Variants in CENPB observed in about 807,000 individuals in gnomAD.
CENPB encodes the protein centromere protein B.
Under a neutral mutation model 41.9 loss-of-function variants are expected in CENPB, and 19 were observed. The observed-to-expected ratio is 0.45, with a 90% CI of 0.32 to 0.67. The LOEUF (loss-of-function observed/expected upper bound fraction) is 0.67, where lower values mean the gene tolerates loss of function less well. CENPB is among the 30% of genes least tolerant of loss of function. The pLI is 0.04. For missense variants in CENPB, 614 were observed against 816.2 expected (o/e 0.75, Z 3.02); for synonymous variants, 399 against 354.4 (o/e 1.13, Z -1.41).
Position 3,785,401 on chromosome 20 carries a change from G to A in CENPB, c.1083C>T (p.Leu361=). Residue 361 remains leucine, a synonymous_variant, in exon 1 of 1, where the codon CTC becomes CTT. Transcript: ENST00000379751. ...CAGCCACAAAGTGCAGGGCCTCCGT[G>A]AGACCCAGCTGCAGGCCTGAGGGAT... ...GQDPSGLQLG[L]TEALHFVAAA... 1 of 1,600,470 alleles carries A rather than the reference G, an allele frequency of 6.2e-7. No homozygotes were observed. Among genetic ancestry groups the A allele is most frequent in the Non-Finnish European group, 8.5e-7 (1 of 1,174,206 alleles).
chr20:3,786,545 G>GCCGCC lies in CENPB; in HGVS notation c.-63_-62insGGCGG. On this transcript the variant is annotated 5_prime_UTR_variant, in exon 1 of 1. Coordinates refer to ENST00000379751, the MANE Select transcript of CENPB (RefSeq NM_001810.6). ...GCCGCCGCCCCGGGGCGGGGGGCCC[G>GCCGCC]GGCCCGTGGCGGGGGGCACCTGGCG... 3 of 507,216 alleles carry GCCGCC rather than the reference G, an allele frequency of 5.9e-6. No individual in the cohort carries two copies. The highest frequency in any genetic ancestry group is 7.5e-6 in the Non-Finnish European group (3 of 397,720). The allele number at this position is 507,216 out of a possible 1,614,324, so 31.4% of individuals were successfully genotyped here. A position where few individuals can be genotyped will look rare whatever the true frequency, so the allele number is the denominator to read the frequency against.
Position 3,785,206 on chromosome 20 carries a change from CTCCTCTTCCTCT to C in CENPB, c.1266_1277del (p.Glu425_Glu428del), listed in dbSNP as rs1568494693. ...CCTCCTCCTCCTCCTCCCCTTCCTC[CTCCTCTTCCTCT>C]CCTTCACCCTCTTCCTCCTCCTCTT... On this transcript the variant is annotated inframe_deletion, in exon 1 of 1. Coordinates refer to ENST00000379751, the MANE Select transcript of CENPB (RefSeq NM_001810.6). 2 of 1,425,542 alleles carry C rather than the reference CTCCTCTTCCTCT, an allele frequency of 1.4e-6. No individual in the cohort carries two copies. Among genetic ancestry groups the C allele is most frequent in the Non-Finnish European group, 1.9e-6 (2 of 1,070,736 alleles). 88.3% of individuals were successfully genotyped at this position (1,425,542 alleles called of 1,614,324 possible).
At position 3,785,414 on chromosome 20, in the gene CENPB, A is replaced by T; in HGVS notation, c.1070T>A (p.Leu357Gln). Residue 357 changes from leucine (L) to glutamine (Q), a missense_variant, in exon 1 of 1, where the codon CTG becomes CAG. Physicochemically the swap from Leu to Gln is moderately radical, Grantham distance 113 (BLOSUM62 -2). Transcript: ENST00000379751. The stretch of plus-strand genomic sequence containing the variant: ...CAGGGCCTCCGTGAGACCCAGCTGC[A>T]GGCCTGAGGGATCCTGGCCCTCTAG... Reference protein sequence around the residue: ...AALEGQDPSGLQLGLTEALHF... With the variant: ...AALEGQDPSGQQLGLTEALHF... The T allele has an allele frequency of 6.3e-7, 1 of 1,597,092 alleles. No homozygotes were observed. Among genetic ancestry groups the T allele is most frequent in the Non-Finnish European group, 8.5e-7 (1 of 1,172,258 alleles).
Position 3,786,075 on chromosome 20 carries a change from C to T in CENPB, c.409G>A (p.Gly137Ser), listed in dbSNP as rs755273196. 11 of 1,574,012 alleles carry T rather than the reference C, an allele frequency of 7.0e-6. No homozygotes were observed. In the South Asian group the frequency reaches 1.2e-4, roughly 18 times the overall value. ...TTTCGCGCGCGGGCGCGGGCCACGC[C>T]GCTGCAGGACACCACGCCGTGGCGC... ...RRRHGVVSCS[G>S]VARARARNAA... Residue 137 changes from glycine (G) to serine (S), a missense_variant, in exon 1 of 1, where the codon GGC becomes AGC. By Grantham distance (56) the Gly-to-Ser change is moderately conservative (BLOSUM62 0). Transcript: ENST00000379751.
In CENPB at chr20:3,784,178, TA is replaced by T. The variant is rs1196103381; in HGVS notation, c.*505del. On this transcript the variant is annotated 3_prime_UTR_variant, in exon 1 of 1. Transcript: ENST00000379751. This position sits in a 1 kb window ranked among gnomAD's most constrained non-coding sequence, Gnocchi z 5.2. ...GCAGGCTCAGGAGCCCGCAGTGAGTTAAACTGTGCTTCTCAAGGCGGCCTGG... is the reference window on the plus strand; with the variant it reads ...GCAGGCTCAGGAGCCCGCAGTGAGTTAACTGTGCTTCTCAAGGCGGCCTGG... The T allele has an allele frequency of 4.1e-5, 6 of 146,380 alleles. No individual in the cohort carries two copies. The highest frequency in any genetic ancestry group is 8.4e-5 in the Non-Finnish European group (6 of 71,202). The allele number at this position is 146,380 out of a possible 1,614,324, so 9.1% of individuals were successfully genotyped here. A position where few individuals can be genotyped will look rare whatever the true frequency, so the allele number is the denominator to read the frequency against.
Position 3,785,242 on chromosome 20 carries a change from TTCTTCCTCCTCCTCC to T in CENPB, c.1227_1241del (p.Glu415_Glu419del). ...CTCCTTCACCCTCTTCCTCCTCCTC[TTCTTCCTCCTCCTCC>T]TCCTCTTCCTCTCCCTCACTCTTGA... On this transcript the variant is annotated inframe_deletion, in exon 1 of 1. Coordinates refer to ENST00000379751, the MANE Select transcript of CENPB (RefSeq NM_001810.6). 1 of 1,316,188 alleles carries T rather than the reference TTCTTCCTCCTCCTCC, an allele frequency of 7.6e-7. No homozygotes were observed. The highest frequency in any genetic ancestry group is 1.0e-6 in the Non-Finnish European group (1 of 997,810). 81.5% of individuals were successfully genotyped at this position (1,316,188 alleles called of 1,614,324 possible). A position where few individuals can be genotyped will look rare whatever the true frequency, so the allele number is the denominator to read the frequency against.
chr20:3,784,743 C>A lies in CENPB; in HGVS notation c.1741G>T (p.Val581Leu), dbSNP rs1411743980. 6.2e-7 allele frequency: 1 copy of A among 1,614,166 alleles called. No homozygotes were observed. Among genetic ancestry groups the A allele is most frequent in the South Asian group, 1.1e-5 (1 of 91,078 alleles). Residue 581 changes from valine to leucine, a missense_variant, in exon 1 of 1, where the codon GTG becomes TTG. Around this residue, in one of 2 missense-constraint regions of CENPB, gnomAD observed 537 missense variants for 629.4 expected, o/e 0.85. Coordinates refer to ENST00000379751, the MANE Select transcript of CENPB (RefSeq NM_001810.6). This position sits in a 1 kb window ranked among gnomAD's most constrained non-coding sequence, Gnocchi z 5.2. ...TGCCTGGCGTGGTTCTTCCTGGTCA[C>A]ATGAACCAGATCGTGTTCCAAGTGG... Reference protein sequence around the residue: ...ILHLEHDLVHVTRKNHARQAG... With the variant: ...ILHLEHDLVHLTRKNHARQAG...
At position 3,785,635 on chromosome 20, in the gene CENPB, G is replaced by A. The variant is rs573745830; in HGVS notation, c.849C>T (p.Thr283=). 1.9e-5 allele frequency: 30 copies of A among 1,605,992 alleles called. No individual in the cohort carries two copies. The highest frequency in any genetic ancestry group is 6.8e-5 in the Admixed American group (4 of 58,800). Residue 283 remains threonine (T), a synonymous_variant, in exon 1 of 1, where the codon ACC becomes ACT. Coordinates refer to ENST00000379751, the MANE Select transcript of CENPB (RefSeq NM_001810.6). ...CCCGGCGAGACTCTGCAGCCATTCG[G>A]GTGTCCAAGGCCTTCAAGTACTTGG... The part of the protein sequence containing the change: ...ALAKYLKALD[T]RMAAESRRVL...
In CENPB at chr20:3,785,747, T is replaced by C. The variant is rs1568495268; in HGVS notation, c.737A>G (p.Lys246Arg). The change falls in exon 1 of 1, where the codon AAG (lysine) becomes AGG (arginine). Residue 246 changes from lysine to arginine, a missense_variant. Lys to Arg is a conservative substitution (Grantham distance 26). Transcript: ENST00000379751. ...SEKLPPLVAG[K>R]SAKPRAGQAG... ...TTGGCCTGCGCGGGGCTTGGCCGAC[T>C]TGCCGGCCACCAGCGGGGGCAGCTT... is the stretch of plus-strand genomic sequence containing the variant. 2 of 1,608,140 alleles carry C rather than the reference T, an allele frequency of 1.2e-6. No homozygotes were observed. The highest frequency in any genetic ancestry group is 1.3e-5 in the African/African-American group (1 of 74,730).
At position 3,785,698 on chromosome 20, in the gene CENPB, G is replaced by T. The variant is rs750397235; in HGVS notation, c.786C>A (p.Thr262=). The T allele has an allele frequency of 6.2e-7, 1 of 1,608,858 alleles. No individual in the cohort carries two copies. The highest frequency in any genetic ancestry group is 8.5e-7 in the Non-Finnish European group (1 of 1,177,700). ...AGQAGLPCDY[T]ANSKGGVTTQ... ...TGGTGACACCACCCTTGGAGTTGGC[G>T]GTGTAGTCGCAGGGCAGGCCGGCTT... Residue 262 remains threonine, a synonymous_variant, in exon 1 of 1, where the codon ACC becomes ACA. Coordinates refer to ENST00000379751, the MANE Select transcript of CENPB (RefSeq NM_001810.6).
chr20:3,785,677 G>A lies in CENPB; in HGVS notation c.807C>T (p.Val269=), dbSNP rs757188137. The A allele has an allele frequency of 6.2e-7, 1 of 1,609,456 alleles. No individual in the cohort carries two copies. The highest frequency in any genetic ancestry group is 8.5e-7 in the Non-Finnish European group (1 of 1,178,108). ...AGTACTTGGCCAGGGCCTGGGTGGTGACACCACCCTTGGAGTTGGCGGTGT... is the reference window on the plus strand; with the variant it reads ...AGTACTTGGCCAGGGCCTGGGTGGTAACACCACCCTTGGAGTTGGCGGTGT... ...CDYTANSKGG[V]TTQALAKYLK... The change falls in exon 1 of 1, where the codon GTC becomes GTT. Residue 269 remains valine, a synonymous_variant. Transcript: ENST00000379751.
chr20:3,785,225 CCCTCTTCCTCCTCCTCTTCTT>C lies in CENPB; in HGVS notation c.1238_1258del (p.Glu413_Glu419del). 2.1e-6 allele frequency: 3 copies of C among 1,458,192 alleles called. No individual in the cohort carries two copies. Among genetic ancestry groups the C allele is most frequent in the Non-Finnish European group, 2.8e-6 (3 of 1,090,222 alleles). The allele number at this position is 1,458,192 out of a possible 1,614,324, so 90.3% of individuals were successfully genotyped here. A position where few individuals can be genotyped will look rare whatever the true frequency, so the allele number is the denominator to read the frequency against. ...TTCCTCCTCCTCTTCCTCTCCTTCA[CCCTCTTCCTCCTCCTCTTCTT>C]CCTCCTCCTCCTCCTCTTCCTCTCC... On this transcript the variant is annotated inframe_deletion, in exon 1 of 1. Coordinates refer to ENST00000379751, the MANE Select transcript of CENPB (RefSeq NM_001810.6).
chr20:3,785,525 C>G lies in CENPB; in HGVS notation c.959G>C (p.Gly320Ala), dbSNP rs1402722094. Residue 320 changes from glycine (G) to alanine (A), a missense_variant, in exon 1 of 1, where the codon GGC becomes GCC. Transcript: ENST00000379751. ...TCCCCTCTCCAGCGGATGCACGGTG[C>G]CGGGAGGGAAGAAGGCCAGCTGCAC... Reference protein sequence around the residue: ...RHVQLAFFPPGTVHPLERGVV... With the variant: ...RHVQLAFFPPATVHPLERGVV... The G allele has an allele frequency of 8.1e-6, 13 of 1,597,596 alleles. No individual in the cohort carries two copies. Among genetic ancestry groups the G allele is most frequent in the Non-Finnish European group, 1.1e-5 (13 of 1,172,550 alleles).
At position 3,785,458 on chromosome 20, in the gene CENPB, C is replaced by T; in HGVS notation, c.1026G>A (p.Leu342=). The T allele has an allele frequency of 6.3e-7, 1 of 1,589,978 alleles. No homozygotes were observed. The highest frequency in any genetic ancestry group is 1.1e-5 in the South Asian group (1 of 87,890). ...CCTCTAGCGCGGCCATGGCCTTGAG[C>T]AGCATGGCCTGGCGGTAGTGGCCCT... ...QVKGHYRQAM[L]LKAMAALEGQ... Residue 342 remains leucine, a synonymous_variant, in exon 1 of 1, where the codon CTG becomes CTA. Coordinates refer to ENST00000379751, the MANE Select transcript of CENPB (RefSeq NM_001810.6).
At position 3,785,239 on chromosome 20, in the gene CENPB, CTCT is replaced by C. The variant is rs779589417; in HGVS notation, c.1242_1244del (p.Glu419del). 9 of 1,560,176 alleles carry C rather than the reference CTCT, an allele frequency of 5.8e-6. No homozygotes were observed. The highest frequency in any genetic ancestry group is 2.7e-5 in the African/African-American group (2 of 72,940). The stretch of plus-strand genomic sequence containing the variant: ...CCTCTCCTTCACCCTCTTCCTCCTC[CTCT>C]TCTTCCTCCTCCTCCTCCTCTTCCT... On this transcript the variant is annotated inframe_deletion, in exon 1 of 1. Transcript: ENST00000379751.
chr20:3,786,133 G>C lies in CENPB; in HGVS notation c.351C>G (p.Thr117=). 3 of 1,597,344 alleles carry C rather than the reference G, an allele frequency of 1.9e-6. No individual in the cohort carries two copies. The highest frequency in any genetic ancestry group is 2.5e-6 in the Non-Finnish European group (3 of 1,178,980). The change falls in exon 1 of 1, where the codon ACC becomes ACG. Residue 117 remains threonine (T), a synonymous_variant. Coordinates refer to ENST00000379751, the MANE Select transcript of CENPB (RefSeq NM_001810.6). ...AGCGGTCCAGCCAGCCGTTGGAGGCGGTGAAGTCGTCCATGCCCAGCTCCT... is the reference window on the plus strand; with the variant it reads ...AGCGGTCCAGCCAGCCGTTGGAGGCCGTGAAGTCGTCCATGCCCAGCTCCT... ...IAEELGMDDF[T]ASNGWLDRFR...
In CENPB at chr20:3,786,691, G is replaced by A. The variant is rs1299139863; in HGVS notation, c.-208C>T. On this transcript the variant is annotated 5_prime_UTR_variant, in exon 1 of 1. Transcript: ENST00000379751. ...GCGGGCGCGTCGCCGGGCGGCGGGC[G>A]GCAGGCGACGGGCGCAGACGAGGGC... is the stretch of plus-strand genomic sequence containing the variant. 6.8e-6 allele frequency: 1 copy of A among 146,432 alleles called. No individual in the cohort carries two copies. The highest frequency in any genetic ancestry group is 1.5e-5 in the Non-Finnish European group (1 of 65,624). 9.1% of individuals were successfully genotyped at this position (146,432 alleles called of 1,614,324 possible).
rs555520508 is a variant in CENPB at position 3,785,592 on chromosome 20, G to C, written c.892C>G (p.Arg298Gly). The change falls in exon 1 of 1, where the codon CGC (arginine) becomes GGC (glycine). Residue 298 changes from arginine to glycine, a missense_variant. Physicochemically the swap from Arg to Gly is moderately radical, Grantham distance 125. Coordinates refer to ENST00000379751, the MANE Select transcript of CENPB (RefSeq NM_001810.6). The part of the protein sequence containing the change: ...ESRRVLLLAG[R>G]LAAQSLDTSG... ...GTGTCCAAGGACTGGGCAGCCAAGC[G>C]GCCGGCCAACAGCAGGACCCGGCGA... is the stretch of plus-strand genomic sequence containing the variant. 1.1e-5 allele frequency: 17 copies of C among 1,601,462 alleles called. No individual in the cohort carries two copies. The highest frequency in any genetic ancestry group is 5.2e-5 in the Admixed American group (3 of 58,094).
chr20:3,784,931 T>C lies in CENPB; in HGVS notation c.1553A>G (p.Asp518Gly), dbSNP rs1436558526. 1.2e-6 allele frequency: 2 copies of C among 1,614,018 alleles called. No homozygotes were observed. The highest frequency in any genetic ancestry group is 2.2e-5 in the South Asian group (2 of 91,068). Residue 518 changes from aspartate to glycine, a missense_variant, in exon 1 of 1, where the codon GAC (aspartate) becomes GGC (glycine). Asp to Gly is a moderately conservative substitution (Grantham distance 94, BLOSUM62 -1). Coordinates refer to ENST00000379751, the MANE Select transcript of CENPB (RefSeq NM_001810.6). This position sits in a 1 kb window ranked among gnomAD's most constrained non-coding sequence, Gnocchi z 5.2. ...ATCTTCATCATCCTCTTCCTCATCG[T>C]CCTCTTCCTCACTGTCTGAATCAGA... ...EDSDSDSEEE[D>G]DEEEDDEDED...
Sources: allele counts gnomAD v4.1 joint callset, GRCh38; gene constraint gnomAD v4.1.1; regional missense constraint gnomAD v4.1.1; non-coding constraint Gnocchi (gnomAD v3.1); transcripts MANE v1.5; gene names NCBI Gene and HGNC (gene_info 2026-07-23, HGNC 2026-07-21).